The following RTCB variants were observed in gnomAD, a reference collection of about 807,000 sequenced individuals.
RTCB encodes the protein RNA-splicing ligase RTCB.
A neutral mutation model predicts 58.2 loss-of-function variants in RTCB; 32 were observed. That is an observed-to-expected ratio of 0.55 (90% CI 0.41 to 0.74). The LOEUF is 0.74. Among genes scored for constraint, RTCB ranks in the 30% least tolerant of loss-of-function variants. RTCB has a pLI of 0.00. For missense variants in RTCB, 523 were observed against 639.0 expected (o/e 0.82, Z 1.96); for synonymous variants, 247 against 218.6 (o/e 1.13, Z -1.15).
At chr22:32,391,115 T>C (rs1317641988) in intron 11 of RTCB, among the ~76,000 whole-genome samples, 2 of 152,204 alleles carry the variant, frequency 1.3e-5, no homozygotes, top group African/African-American at 2.4e-5. Flanking sequence ...TTTGAGACTT[T>C]GTTCTAATTA....
At position 32,402,536 on chromosome 22, in the gene RTCB, G is replaced by A. The variant is rs574903793; in HGVS notation, c.341-633C>T. On this transcript the variant is annotated intron_variant, in intron 4 of 11. Coordinates refer to ENST00000216038, the MANE Select transcript of RTCB (RefSeq NM_014306.5). ...GTGATCTCGGCTCACTGCAACCTCCGCCTCCTGCATTCAAGTGATTCTCCT... is the reference window on the plus strand; with the variant it reads ...GTGATCTCGGCTCACTGCAACCTCCACCTCCTGCATTCAAGTGATTCTCCT... 1.0e-3 allele frequency among the ~76,000 whole-genome samples: 158 copies of A among 152,004 alleles called. 1 individual carries two copies. The highest frequency in any genetic ancestry group is 5.7e-3 in the East Asian group (29 of 5,046).
chr22:32,408,240 C>T lies in RTCB; in HGVS notation c.175G>A (p.Val59Ile), dbSNP rs780579047. 31 of 1,613,688 alleles carry T rather than the reference C, an allele frequency of 1.9e-5. No homozygotes were observed. Among genetic ancestry groups the T allele is most frequent in the Non-Finnish European group, 6.8e-6 (8 of 1,179,742 alleles). ...TTCATGGCTGGCAGGAAGCCACCAA[C>T]ACCTGAAGACAAAAATTGGGTATTA... ...ELRNACRGGG[V>I]GGFLPAMKQI... Residue 59 changes from valine to isoleucine, a missense_variant and splice_region_variant, in exon 3 of 12, where the codon GTT becomes ATT. Physicochemically the swap from Val to Ile is conservative, Grantham distance 29. This residue lies in a region of RTCB where 134 missense variants were observed against 129.9 expected (regional missense o/e 1.03). Transcript: ENST00000216038.
intron 2 of RTCB, 83 bp from the exon 3 acceptor site, chr22:32,408,325 C>A: frequency 1.7e-6 from 2 of 1,197,336 alleles, no homozygotes; most frequent in Admixed American, 1.9e-5. Context: ...GACTGTATAA[C>A]GTGAAGAGGT....
In RTCB at chr22:32,395,023, T is replaced by C; in HGVS notation, c.1179+3A>G. ...TTAAAACTACAAACGTAGAGCTACG[T>C]ACTTGGTAATCAACAGCAATGAGGG... On this transcript the variant is annotated splice_donor_region_variant and intron_variant, in intron 9 of 11. Coordinates refer to ENST00000216038, the MANE Select transcript of RTCB (RefSeq NM_014306.5). 1.2e-6 allele frequency: 2 copies of C among 1,611,912 alleles called. No individual in the cohort carries two copies. The highest frequency in any genetic ancestry group is 8.5e-7 in the Non-Finnish European group (1 of 1,178,266).
At chr22:32,395,262 T>C (rs1171747176) in intron 8 of RTCB, 48 bp from the exon 9 acceptor site, 35 of 1,532,770 alleles carry the variant, frequency 2.3e-5, no homozygotes, top group South Asian at 3.5e-5. Context: ...TCAGGACTTA[T>C]GTTCAGCTCT....
chr22:32,393,195 C>T (rs1394969176), intron 10 of RTCB, among the ~76,000 whole-genome samples: 3 of 152,202 alleles, frequency 2.0e-5, no homozygotes, highest in South Asian at 4.1e-4. Context: ...CCTGGCCTCC[C>T]AAAGTGCTGT....
intron 11 of RTCB, among the ~76,000 whole-genome samples, chr22:32,389,921 CTT>C (rs1382089979): frequency 6.6e-6 from 1 of 152,192 alleles, no homozygotes; most frequent in East Asian, 1.9e-4. Flanking sequence ...CTGGCTTGCT[CTT>C]GTCATGCCTG....
At chr22:32,410,879 A>T (rs1172877665) in intron 1 of RTCB, among the ~76,000 whole-genome samples, 1 of 151,924 alleles carries the variant, frequency 6.6e-6, no homozygotes, top group Admixed American at 6.6e-5. Context: ...TGGCTAATTA[A>T]ATTTTTTTTG....
In RTCB at chr22:32,412,072, T is replaced by A. The variant is rs1394417296; in HGVS notation, c.85A>T (p.Asn29Tyr). ...TTGCTCTCCTGCCTTACCTGCATGT[T>A]GGGCACGAAGCCCTTCTTGATCCTC... ...CWRIKKGFVP[N>Y]MQVEGVFYVN... Residue 29 changes from asparagine (N) to tyrosine (Y), a missense_variant, in exon 1 of 12, where the codon AAC becomes TAC. By Grantham distance (143) the Asn-to-Tyr change is moderately radical (BLOSUM62 -2). Around this residue, in one of 3 missense-constraint regions of RTCB, gnomAD observed 134 missense variants for 129.9 expected, o/e 1.03. Transcript: ENST00000216038. 6.2e-7 allele frequency: 1 copy of A among 1,606,460 alleles called. No individual in the cohort carries two copies. Among genetic ancestry groups the A allele is most frequent in the Non-Finnish European group, 8.5e-7 (1 of 1,178,296 alleles).
chr22:32,411,199 T>C (rs1303174430), intron 1 of RTCB, among the ~76,000 whole-genome samples: 1 of 152,258 alleles, frequency 6.6e-6, no homozygotes, highest in Non-Finnish European at 1.5e-5. Flanking sequence ...GGGAGCTGTT[T>C]ACCAAGACGT....
At chr22:32,407,442 C>CTA (rs1933445945) in intron 3 of RTCB, 1 of 152,586 alleles carries the variant, frequency 6.6e-6, no homozygotes, top group Non-Finnish European at 1.5e-5. Flanking sequence ...GTGGTGGGGG[C>CTA]TATGCTGTCC....
At chr22:32,398,169 A>T (rs1054438089) in intron 6 of RTCB, 69 bp from the exon 7 acceptor site, 4 of 1,514,234 alleles carry the variant, frequency 2.6e-6, no homozygotes, top group Non-Finnish European at 3.6e-6. Context: ...TTTAAAAACC[A>T]AAAAGATAAA....
intron 9 of RTCB, among the ~76,000 whole-genome samples, chr22:32,394,213 G>A (rs982660896): frequency 5.3e-5 from 8 of 151,164 alleles, no homozygotes; most frequent in African/African-American, 1.7e-4. Flanking sequence ...CTGGGTTCAC[G>A]CCATTCTCTT....
At chr22:32,393,826 A>G in intron 10 of RTCB, 66 bp downstream of exon 10, 2 of 1,086,364 alleles carry the variant, frequency 1.8e-6, no homozygotes, top group Non-Finnish European at 2.9e-6. Flanking sequence ...TACATTTACC[A>G]GTCAAAATGG....
intron 4 of RTCB, 118 bp downstream of exon 4, chr22:32,406,544 A>T (rs1025837607): frequency 2.3e-5 from 14 of 600,900 alleles, no homozygotes; most frequent in Non-Finnish European, 3.6e-5. Flanking sequence ...GATGGTTTTG[A>T]TCTCTTGACC....
rs762897257 is a variant in RTCB at position 32,392,455 on chromosome 22, T to C, written c.1291-96A>G. The C allele has an allele frequency of 4.0e-6, 6 of 1,486,440 alleles. No homozygotes were observed. The East Asian group carries it at 9.2e-5, about 23-fold the overall frequency. The allele number at this position is 1,486,440 out of a possible 1,614,324, so 92.1% of individuals were successfully genotyped here. On this transcript the variant is annotated intron_variant, in intron 10 of 11. Transcript: ENST00000216038. ...CACTAAAAAGGAGCTTAAAAAAACATCTTTTTTACTTTATCGAATTGGTAA... is the reference window on the plus strand; with the variant it reads ...CACTAAAAAGGAGCTTAAAAAAACACCTTTTTTACTTTATCGAATTGGTAA...
intron 3 of RTCB, chr22:32,407,972 C>T: frequency 3.4e-6 from 2 of 581,808 alleles, no homozygotes; most frequent in Non-Finnish European, 3.1e-6. Context: ...CCAGACTAGT[C>T]TTGAATTCCT....
intron 4 of RTCB, among the ~76,000 whole-genome samples, chr22:32,402,845 A>C (rs117486719): frequency 0.088 from 13,339 of 152,084 alleles, 968 homozygotes; most frequent in East Asian, 0.45. Flanking sequence ...TCCCGGCTCC[A>C]GCAATCCTCT....
At chr22:32,403,724 A>G (rs1238727729) in intron 4 of RTCB, among the ~76,000 whole-genome samples, 1 of 152,182 alleles carries the variant, frequency 6.6e-6, no homozygotes, top group East Asian at 1.9e-4. Flanking sequence ...AGGCTGGTGC[A>G]AAAGTAATTG....
Sources: allele counts gnomAD v4.1 joint callset (sites outside exome capture counted in the v4.1 genomes callset), GRCh38; gene constraint gnomAD v4.1.1; regional missense constraint gnomAD v4.1.1; transcripts MANE v1.5; gene names NCBI Gene and HGNC (gene_info 2026-07-23, HGNC 2026-07-21).